Variants in LIN52 observed in about 807,000 individuals in gnomAD.
LIN52 encodes protein lin-52 homolog.
Under a neutral mutation model 18.5 loss-of-function variants are expected in LIN52, and 4 were observed. The ratio of observed to expected loss-of-function variants is 0.22; its 90% confidence interval spans 0.11 to 0.49. The LOEUF (loss-of-function observed/expected upper bound fraction) is 0.49, where lower values mean the gene tolerates loss of function less well. Among genes scored for constraint, LIN52 ranks in the 20% least tolerant of loss-of-function variants. The pLI, the probability that LIN52 is intolerant of heterozygous loss-of-function variation, is 0.97. For missense variants in LIN52, 102 were observed against 139.5 expected, an observed-to-expected ratio of 0.73 and a Z score of 1.35; for synonymous variants, 34 against 45.5, an observed-to-expected ratio of 0.75 and a Z score of 1.02.
chr14:74,196,811 A>G (rs2078915222), intron 5 of LIN52, among the ~76,000 whole-genome samples: 1 of 152,172 alleles, frequency 6.6e-6, no homozygotes, highest in South Asian at 2.1e-4. Flanking sequence ...TTCATTGCTA[A>G]TATCCAAGAG....
At chr14:74,169,073 C>T (rs1054132657) in intron 5 of LIN52, among the ~76,000 whole-genome samples, 12 of 152,058 alleles carry the variant, frequency 7.9e-5, no homozygotes, top group African/African-American at 2.4e-4. Flanking sequence ...AAAGAATTTC[C>T]GGAGAGAAAG....
intron 4 of LIN52, 24 bp from the exon 5 acceptor site, chr14:74,101,131 T>C: frequency 6.3e-7 from 1 of 1,592,808 alleles, no homozygotes; most frequent in Non-Finnish European, 8.6e-7. Flanking sequence ...AGAAATGATG[T>C]TGAAATAAAT....
intron 2 of LIN52, among the ~76,000 whole-genome samples, chr14:74,092,632 A>G (rs933435475): frequency 2.0e-5 from 3 of 150,540 alleles, no homozygotes; most frequent in Non-Finnish European, 4.4e-5. Flanking sequence ...AACTACATTT[A>G]TAGGCTGGGC....
At chr14:74,090,690 T>C (rs948718436) in intron 1 of LIN52, among the ~76,000 whole-genome samples, 5 of 152,176 alleles carry the variant, frequency 3.3e-5, no homozygotes, top group Non-Finnish European at 7.3e-5. Flanking sequence ...GTACTGCTCC[T>C]TTTTAAAGAG....
At chr14:74,132,810 A>T (rs2061075994) in intron 5 of LIN52, among the ~76,000 whole-genome samples, 1 of 151,948 alleles carries the variant, frequency 6.6e-6, no homozygotes, top group African/African-American at 2.4e-5. Flanking sequence ...CCCAGCCATG[A>T]CCTAAGTTTT....
At position 74,200,549 on chromosome 14, in the gene LIN52, A is replaced by T. The variant is rs144853565; in HGVS notation, c.*1572A>T. ...ATGGCACTCTTCAGTTTAACAGCTG[A>T]TCCATTAAACCTTTTCTGACATTTG... On this transcript the variant is annotated 3_prime_UTR_variant, in exon 6 of 6. Coordinates refer to ENST00000555028, the MANE Select transcript of LIN52 (RefSeq NM_001024674.3). 6 of 151,924 alleles carry T rather than the reference A, an allele frequency of 3.9e-5. No individual in the cohort carries two copies. The highest frequency in any genetic ancestry group is 1.4e-4 in the African/African-American group (6 of 41,398). 9.4% of individuals were successfully genotyped at this position (151,924 alleles called of 1,614,324 possible).
At chr14:74,186,345 T>A (rs2139590747) in intron 5 of LIN52, among the ~76,000 whole-genome samples, 1 of 152,216 alleles carries the variant, frequency 6.6e-6, no homozygotes. Flanking sequence ...AGAGTTCCTC[T>A]TTCCTCATAT....
At chr14:74,164,327 T>G (rs2061239563) in intron 5 of LIN52, among the ~76,000 whole-genome samples, 1 of 139,956 alleles carries the variant, frequency 7.1e-6, no homozygotes, top group Non-Finnish European at 1.5e-5. Flanking sequence ...CTCTGTCACC[T>G]AGGCTGGAGT....
At chr14:74,185,309 CTTTTTTTT>C (rs71115969) in intron 5 of LIN52, among the ~76,000 whole-genome samples, 2 of 78,786 alleles carry the variant, frequency 2.5e-5, no homozygotes, top group African/African-American at 5.3e-5. Context: ...ATAATGATTT[CTTTTTTTT>C]TTTTTTTTTT....
chr14:74,194,621 G>A (rs2078898887), intron 5 of LIN52, among the ~76,000 whole-genome samples: 1 of 152,170 alleles, frequency 6.6e-6, no homozygotes, highest in Non-Finnish European at 1.5e-5. Context: ...CATTTCACAT[G>A]TTAACCCTAT....
Position 74,181,332 on chromosome 14 carries a change from C to T in LIN52, c.284-17590C>T, listed in dbSNP as rs936455376. On this transcript the variant is annotated intron_variant, in intron 5 of 5. Coordinates refer to ENST00000555028, the MANE Select transcript of LIN52 (RefSeq NM_001024674.3). ...GGTCCAGGCATGGTGGCCAGCTACTCAGGGGGCTAAGGTGGGAGGACTGTT... is the reference window on the plus strand; with the variant it reads ...GGTCCAGGCATGGTGGCCAGCTACTTAGGGGGCTAAGGTGGGAGGACTGTT... 5.3e-5 allele frequency among the ~76,000 whole-genome samples: 8 copies of T among 150,728 alleles called. No individual in the cohort carries two copies. The Admixed American group carries it at 5.3e-4, about 10-fold the overall frequency.
intron 5 of LIN52, among the ~76,000 whole-genome samples, chr14:74,192,086 AC>A (rs71449181): frequency 0.11 from 17,055 of 152,170 alleles, 1,260 homozygotes; most frequent in Admixed American, 0.19. Flanking sequence ...CATTTGTGTT[AC>A]CATTTATCTT....
At chr14:74,145,029 G>A (rs2061147871) in intron 5 of LIN52, among the ~76,000 whole-genome samples, 1 of 152,204 alleles carries the variant, frequency 6.6e-6, no homozygotes, top group Non-Finnish European at 1.5e-5. Context: ...AGTATTCTGA[G>A]AGGGAACCTT....
At chr14:74,114,054 C>A in intron 5 of LIN52, 2 of 707,230 alleles carry the variant, frequency 2.8e-6, no homozygotes, top group Non-Finnish European at 3.5e-6. Context: ...GATCTTGGCT[C>A]ACTGCAACCC....
chr14:74,117,894 C>G (rs898793009), intron 5 of LIN52, among the ~76,000 whole-genome samples: 3 of 152,096 alleles, frequency 2.0e-5, no homozygotes, highest in Non-Finnish European at 4.4e-5. Flanking sequence ...TAAGTCTAAA[C>G]TAAAAGCTTG....
intron 5 of LIN52, among the ~76,000 whole-genome samples, chr14:74,165,528 T>TTTTTTTTTTTTTTTG (rs56781854): frequency 6.7e-6 from 1 of 149,536 alleles, no homozygotes; most frequent in African/African-American, 2.5e-5. Context: ...TTTTTTTTTT[T>TTTTTTTTTTTTTTTG]GAGACAGAGT....
At chr14:74,087,941 G>T (rs1479529637) in intron 1 of LIN52, among the ~76,000 whole-genome samples, 4 of 151,994 alleles carry the variant, frequency 2.6e-5, no homozygotes, top group South Asian at 2.1e-4. Flanking sequence ...TAGAGACAGG[G>T]TCTCTCTCAC....
chr14:74,183,289 C>T (rs12433193), intron 5 of LIN52, among the ~76,000 whole-genome samples: 6 of 151,928 alleles, frequency 3.9e-5, no homozygotes, highest in Admixed American at 3.3e-4. Context: ...TTAGTAGAGA[C>T]GGGGATTCAC....
chr14:74,130,031 C>A (rs1008372464), intron 5 of LIN52, among the ~76,000 whole-genome samples: 4 of 151,966 alleles, frequency 2.6e-5, no homozygotes, highest in African/African-American at 9.7e-5. Context: ...GAAACTCCTC[C>A]TTTTAAAACC....
Sources: allele counts gnomAD v4.1 joint callset (sites outside exome capture counted in the v4.1 genomes callset), GRCh38; gene constraint gnomAD v4.1.1; transcripts MANE v1.5; gene names NCBI Gene and HGNC (gene_info 2026-07-23, HGNC 2026-07-21).